KCNIP1: variants seen among roughly 807,000 people sequenced by gnomAD.
KCNIP1 encodes the protein A-type potassium channel modulatory protein KCNIP1.
KCNIP1 carries 18 observed loss-of-function variants against 33.0 expected under a neutral mutation model. That is an observed-to-expected ratio of 0.55 (90% CI 0.38 to 0.81). The LOEUF (loss-of-function observed/expected upper bound fraction) is 0.81. Among genes scored for constraint, KCNIP1 ranks in the 30% least tolerant of loss-of-function variants. KCNIP1 has a pLI of 0.00. For synonymous variants in KCNIP1, 93 were observed against 98.3 expected, an observed-to-expected ratio of 0.95 and a Z score of 0.32; for missense variants, 238 against 271.6, an observed-to-expected ratio of 0.88 and a Z score of 0.87.
chr5:170,367,900 G>A (rs1386065365), intron 1 of KCNIP1, among the ~76,000 whole-genome samples: 1 of 152,124 alleles, frequency 6.6e-6, no homozygotes, highest in Non-Finnish European at 1.5e-5. Context: ...TGTGCATACG[G>A]ACTTTTATTT....
chr5:170,459,407 A>G (rs1433461284), intron 1 of KCNIP1, among the ~76,000 whole-genome samples: 2 of 152,336 alleles, frequency 1.3e-5, no homozygotes, highest in African/African-American at 4.8e-5. Flanking sequence ...TCAACTGCAT[A>G]TGGAACTTTC....
At chr5:170,457,120 C>T (rs902443868) in intron 1 of KCNIP1, among the ~76,000 whole-genome samples, 3 of 152,186 alleles carry the variant, frequency 2.0e-5, no homozygotes, top group Non-Finnish European at 4.4e-5. Flanking sequence ...CTACCAACCT[C>T]ATAGATACAA....
intron 1 of KCNIP1, among the ~76,000 whole-genome samples, chr5:170,534,371 G>C (rs116615131): frequency 6.6e-6 from 1 of 152,156 alleles, no homozygotes; most frequent in Non-Finnish European, 1.5e-5. Context: ...ACCTGAGCAG[G>C]GTAGGTGGAG....
At chr5:170,724,186 C>G (rs2113879755) in intron 5 of KCNIP1, among the ~76,000 whole-genome samples, 1 of 152,052 alleles carries the variant, frequency 6.6e-6, no homozygotes, top group South Asian at 2.1e-4. Flanking sequence ...AATTATAGGC[C>G]CAGATGGTGG....
At chr5:170,513,733 A>C (rs1193296551) in intron 1 of KCNIP1, among the ~76,000 whole-genome samples, 6 of 152,242 alleles carry the variant, frequency 3.9e-5, no homozygotes, top group African/African-American at 1.2e-4. Flanking sequence ...ATCCCAGAGC[A>C]GGATGGCAGC....
At chr5:170,633,369 T>A (rs1760138620) in intron 1 of KCNIP1, among the ~76,000 whole-genome samples, 1 of 151,538 alleles carries the variant, frequency 6.6e-6, no homozygotes, top group African/African-American at 2.4e-5. Flanking sequence ...TTTTAAAAAT[T>A]AAGTGACTGA....
intron 1 of KCNIP1, among the ~76,000 whole-genome samples, chr5:170,508,892 A>G (rs1312054350): frequency 6.6e-6 from 1 of 152,094 alleles, no homozygotes; most frequent in Non-Finnish European, 1.5e-5. Flanking sequence ...GAATTAGACA[A>G]TCAACGGAGG....
At chr5:170,638,066 C>T (rs1246855858) in intron 1 of KCNIP1, among the ~76,000 whole-genome samples, 1 of 151,996 alleles carries the variant, frequency 6.6e-6, no homozygotes, top group Non-Finnish European at 1.5e-5. Flanking sequence ...CCAAGATCTC[C>T]AAGGCCTGGA....
chr5:170,650,770 T>TCTAC (rs1347804109), intron 1 of KCNIP1, among the ~76,000 whole-genome samples: 2 of 152,220 alleles, frequency 1.3e-5, no homozygotes, highest in Non-Finnish European at 2.9e-5. Flanking sequence ...AGATGTAGCA[T>TCTAC]TTTATACCCA....
chr5:170,714,541 C>G (rs1056052193), intron 1 of KCNIP1, among the ~76,000 whole-genome samples: 1 of 152,154 alleles, frequency 6.6e-6, no homozygotes, highest in Admixed American at 6.5e-5. Context: ...CCATCAGCAA[C>G]ACAACATACA....
chr5:170,392,546 G>A (rs1754630515), intron 1 of KCNIP1, among the ~76,000 whole-genome samples: 1 of 152,166 alleles, frequency 6.6e-6, no homozygotes, highest in Non-Finnish European at 1.5e-5. Context: ...ATCTAGGTAG[G>A]GCATGGTGGC....
intron 1 of KCNIP1, among the ~76,000 whole-genome samples, chr5:170,598,904 C>CGTGTGTGTGTGTGTGTGTGTGTGTGTGT (rs70979192): frequency 7.5e-6 from 1 of 133,776 alleles, no homozygotes; most frequent in Non-Finnish European, 1.6e-5. Context: ...TGTGTGTGCG[C>CGTGTGTGTGTGTGTGTGTGTGTGTGTGT]GTGTGTGTGT....
intron 1 of KCNIP1, among the ~76,000 whole-genome samples, chr5:170,714,711 A>T (rs1240242745): frequency 6.6e-6 from 1 of 152,162 alleles, no homozygotes; most frequent in Non-Finnish European, 1.5e-5. Flanking sequence ...AATGAAAATA[A>T]AAAATTTTTA....
intron 1 of KCNIP1, among the ~76,000 whole-genome samples, chr5:170,552,764 G>T (rs1010653367): frequency 9.9e-5 from 15 of 152,230 alleles, no homozygotes; most frequent in African/African-American, 3.6e-4. Context: ...GCTTACGCAG[G>T]ACTGACAGGC....
intron 7 of KCNIP1, among the ~76,000 whole-genome samples, chr5:170,735,027 CA>C (rs1764332965): frequency 6.6e-6 from 1 of 152,212 alleles, no homozygotes; most frequent in Non-Finnish European, 1.5e-5. Context: ...TCACCAGATG[CA>C]GATGCCCAGC....
intron 1 of KCNIP1, among the ~76,000 whole-genome samples, chr5:170,614,988 G>A (rs1020329490): frequency 6.6e-6 from 1 of 152,174 alleles, no homozygotes; most frequent in African/African-American, 2.4e-5. Context: ...GGCCAAGGCG[G>A]GTGAATCACC....
chr5:170,710,091 C>T (rs1763393674), intron 1 of KCNIP1, among the ~76,000 whole-genome samples: 1 of 152,222 alleles, frequency 6.6e-6, no homozygotes, highest in Non-Finnish European at 1.5e-5. Flanking sequence ...TGGTCTCGAA[C>T]TCCTGACCTC....
At chr5:170,446,778 G>C (rs1756126440) in intron 1 of KCNIP1, among the ~76,000 whole-genome samples, 2 of 152,106 alleles carry the variant, frequency 1.3e-5, no homozygotes. Flanking sequence ...CCCAGTTCTA[G>C]GTGAGGCAGG....
intron 1 of KCNIP1, among the ~76,000 whole-genome samples, chr5:170,445,997 T>A (rs1378073471): frequency 6.6e-6 from 1 of 152,230 alleles, no homozygotes; most frequent in Non-Finnish European, 1.5e-5. Context: ...TTTCATTCAG[T>A]CCTTCATAAG....
Sources: gnomAD v4.1 joint callset for allele counts (sites outside exome capture counted in the v4.1 genomes callset) on GRCh38, gnomAD v4.1.1 for gene constraint, MANE v1.5 for transcripts, NCBI Gene and HGNC (gene_info 2026-07-23, HGNC 2026-07-21) for gene names.